ITSN1: variants seen among roughly 807,000 people sequenced by gnomAD.
ITSN1 encodes intersectin 1.
In ITSN1, 58 loss-of-function variants were observed where a neutral mutation model predicts 239.8. That is an observed-to-expected ratio of 0.24 (90% CI 0.20 to 0.30). The LOEUF (loss-of-function observed/expected upper bound fraction) is 0.30, where lower values mean the gene tolerates loss of function less well. ITSN1 is among the 10% of genes least tolerant of loss of function. The pLI is 1.00. For synonymous variants in ITSN1, 780 were observed against 770.8 expected (o/e 1.01, Z -0.20); for missense variants, 1,558 against 2,103.3 (o/e 0.74, Z 5.07).
chr21:33,829,062 A>G (rs2074138573), intron 26 of ITSN1: 10 of 463,628 alleles, frequency 2.2e-5, no homozygotes, highest in Non-Finnish European at 3.5e-5. Context: ...TGAGCCATAA[A>G]GAAGAAGGCT....
intron 5 of ITSN1, among the ~76,000 whole-genome samples, chr21:33,745,359 TAA>T (rs1319379175): frequency 6.6e-6 from 1 of 152,120 alleles, no homozygotes; most frequent in Admixed American, 6.6e-5. Context: ...GACTGTGGAT[TAA>T]AGGAAACCTA....
chr21:33,826,663 T>C (rs991622939), intron 25 of ITSN1, among the ~76,000 whole-genome samples, 155 bp from the exon 26 acceptor site: 6 of 152,198 alleles, frequency 3.9e-5, no homozygotes, highest in Non-Finnish European at 2.9e-5. Flanking sequence ...GTTTTCCTGA[T>C]CTATATCCTT....
intron 1 of ITSN1, among the ~76,000 whole-genome samples, chr21:33,690,816 T>TATATATATATATATATATATAC (rs2091500044): frequency 2.9e-5 from 1 of 34,312 alleles, no homozygotes; most frequent in African/African-American, 1.7e-4. Flanking sequence ...TATATATATG[T>TATATATATATATATATATATAC]ATATATATAT....
At chr21:33,766,866 G>C (rs1162133378) in intron 10 of ITSN1, among the ~76,000 whole-genome samples, 1 of 152,198 alleles carries the variant, frequency 6.6e-6, no homozygotes, top group African/African-American at 2.4e-5. Context: ...ACACAGCAAA[G>C]TTAAAAGTGT....
At position 33,856,766 on chromosome 21, in the gene ITSN1, T is replaced by C; in HGVS notation, c.3692T>C (p.Leu1231Ser). The change falls in exon 30 of 40, where the codon TTG becomes TCG. Residue 1231 changes from leucine to serine, a missense_variant. Transcript: ENST00000381318. ...TCAGACTTACATCTCTTGGATATGT[T>C]GACCCCAACTGAAAGAAAGCGACAA... Reference protein sequence around the residue: ...WCSDLHLLDMLTPTERKRQGY... With the variant: ...WCSDLHLLDMSTPTERKRQGY... 1 of 1,614,126 alleles carries C rather than the reference T, an allele frequency of 6.2e-7. No individual in the cohort carries two copies. The highest frequency in any genetic ancestry group is 8.5e-7 in the Non-Finnish European group (1 of 1,180,002).
chr21:33,875,580 G>T, intron 34 of ITSN1, 59 bp downstream of exon 34: 1 of 1,525,960 alleles, frequency 6.6e-7, no homozygotes, highest in Non-Finnish European at 8.9e-7. Context: ...CTGCCAGCCT[G>T]GAGGAGGACA....
chr21:33,875,291 C>G (rs1983539690), intron 33 of ITSN1, 63 bp from the exon 34 acceptor site: 10 of 1,586,654 alleles, frequency 6.3e-6, no homozygotes, highest in Admixed American at 5.0e-5. Context: ...CCTGCAGGAC[C>G]CTGGATCACA....
intron 1 of ITSN1, among the ~76,000 whole-genome samples, chr21:33,691,638 A>G (rs1341742895): frequency 6.6e-6 from 1 of 152,218 alleles, no homozygotes; most frequent in African/African-American, 2.4e-5. Context: ...ACAAACTACT[A>G]TAGACTAGAT....
At chr21:33,881,984 T>C (rs1352188602) in intron 34 of ITSN1, among the ~76,000 whole-genome samples, 1 of 149,998 alleles carries the variant, frequency 6.7e-6, no homozygotes, top group African/African-American at 2.5e-5. Context: ...AACACACCAG[T>C]TGCACCATAA....
At chr21:33,693,500 G>A (rs576905908) in intron 1 of ITSN1, among the ~76,000 whole-genome samples, 293 of 152,152 alleles carry the variant, frequency 1.9e-3, no homozygotes, top group Non-Finnish European at 2.6e-3. Flanking sequence ...GGGATTATAG[G>A]CATGCGCCAT....
chr21:33,802,342 G>A, intron 19 of ITSN1, 88 bp from the exon 20 acceptor site: 2 of 1,308,144 alleles, frequency 1.5e-6, no homozygotes, highest in Non-Finnish European at 2.2e-6. Context: ...TTGATGAGAT[G>A]CGTAGAGTTT....
Position 33,722,622 on chromosome 21 carries a change from G to T in ITSN1, c.156G>T (p.Gly52=), listed in dbSNP as rs762586266. 8 of 1,578,568 alleles carry T rather than the reference G, an allele frequency of 5.1e-6. No individual in the cohort carries two copies. Among genetic ancestry groups the T allele is most frequent in the South Asian group, 3.6e-5 (3 of 83,178 alleles). The change falls in exon 4 of 40, where the codon GGG becomes GGT. Residue 52 remains glycine, a synonymous_variant. Coordinates refer to ENST00000381318, the MANE Select transcript of ITSN1 (RefSeq NM_003024.3). Reference sequence around the variant, plus strand: ...CTAGAAACTTTTTTTTTCAATCTGGGTTACCTCAACCTGTTTTAGCACAGA... The same window carrying T: ...CTAGAAACTTTTTTTTTCAATCTGGTTTACCTCAACCTGTTTTAGCACAGA... The part of the protein sequence containing the change: ...DQARNFFFQS[G]LPQPVLAQIW...
chr21:33,783,776 T>C (rs1385423970), intron 16 of ITSN1, among the ~76,000 whole-genome samples: 1 of 152,074 alleles, frequency 6.6e-6, no homozygotes, highest in Non-Finnish European at 1.5e-5. Context: ...AATATTAAGC[T>C]CTCTTCTGAA....
chr21:33,876,917 A>G (rs1220796976), intron 34 of ITSN1, among the ~76,000 whole-genome samples: 2 of 152,104 alleles, frequency 1.3e-5, no homozygotes, highest in Non-Finnish European at 2.9e-5. Context: ...AGATATAGAT[A>G]TAGAACCCAT....
intron 1 of ITSN1, among the ~76,000 whole-genome samples, chr21:33,659,626 TGCCCTTAA>T (rs1231106193): frequency 6.6e-6 from 1 of 151,638 alleles, no homozygotes; most frequent in Non-Finnish European, 1.5e-5. Context: ...ACTTAGTACC[TGCCCTTAA>T]GCTAGATAGG....
At chr21:33,806,891 T>G (rs1485672083) in intron 20 of ITSN1, among the ~76,000 whole-genome samples, 2 of 152,232 alleles carry the variant, frequency 1.3e-5, no homozygotes, top group Non-Finnish European at 1.5e-5. Flanking sequence ...TGCCATAATC[T>G]TATGTTTTCC....
Position 33,774,738 on chromosome 21 carries a change from C to T in ITSN1, c.1315C>T (p.Arg439Trp), listed in dbSNP as rs547639837. 12 of 1,612,148 alleles carry T rather than the reference C, an allele frequency of 7.4e-6. No individual in the cohort carries two copies. Among genetic ancestry groups the T allele is most frequent in the East Asian group, 2.2e-5 (1 of 44,840 alleles). Reference protein sequence around the residue: ...KEIERREAAKRELERQRQLEW... With the variant: ...KEIERREAAKWELERQRQLEW... ...TCTGTAAATGTCACAGGCTGCAAAA[C>T]GGGAACTTGAAAGGCAACGACAACT... Residue 439 changes from arginine to tryptophan, a missense_variant, in exon 13 of 40, where the codon CGG becomes TGG. Around this residue, in one of 2 missense-constraint regions of ITSN1, gnomAD observed 982 missense variants for 1,209.9 expected, o/e 0.81. Coordinates refer to ENST00000381318, the MANE Select transcript of ITSN1 (RefSeq NM_003024.3).
At chr21:33,666,620 C>A (rs938080903) in intron 1 of ITSN1, among the ~76,000 whole-genome samples, 3 of 152,068 alleles carry the variant, frequency 2.0e-5, no homozygotes, top group Admixed American at 6.5e-5. Context: ...GTTTTATTCT[C>A]TTGTAAATCT....
chr21:33,722,016 C>G (rs2065516040), intron 3 of ITSN1: 1 of 151,392 alleles, frequency 6.6e-6, no homozygotes, highest in South Asian at 2.1e-4. Context: ...AAACGATTCT[C>G]CTGCCTCAGC....
Sources: allele counts gnomAD v4.1 joint callset (sites outside exome capture counted in the v4.1 genomes callset), GRCh38; gene constraint gnomAD v4.1.1; regional missense constraint gnomAD v4.1.1; transcripts MANE v1.5; gene names NCBI Gene and HGNC (gene_info 2026-07-23, HGNC 2026-07-21).